BANK1: variants seen among roughly 807,000 people sequenced by gnomAD.
The protein encoded by BANK1 is B-cell scaffold protein with ankyrin repeats.
A neutral mutation model predicts 94.5 loss-of-function variants in BANK1; 95 were observed. The ratio of observed to expected loss-of-function variants is 1.00; its 90% CI spans 0.85 to 1.19. The LOEUF is 1.19. Ranked by LOEUF, BANK1 falls within the 50% of genes most tolerant of loss-of-function variation. BANK1 has a pLI of 0.00. For synonymous variants in BANK1, 334 were observed against 308.4 expected, an observed-to-expected ratio of 1.08 and a Z score of -0.87; for missense variants, 987 against 932.2, an observed-to-expected ratio of 1.06 and a Z score of -0.77.
intron 7 of BANK1, among the ~76,000 whole-genome samples, chr4:101,982,202 G>A (rs1212568782): frequency 6.6e-6 from 1 of 151,750 alleles, no homozygotes; most frequent in Non-Finnish European, 1.5e-5. Flanking sequence ...ATATTTTATG[G>A]TGTCTTTTTT....
chr4:101,961,329 C>G (rs566525908), intron 7 of BANK1, among the ~76,000 whole-genome samples: 1 of 152,302 alleles, frequency 6.6e-6, no homozygotes, highest in South Asian at 2.1e-4. Flanking sequence ...TCCAGACTCT[C>G]ATGTTACTGA....
In BANK1 at chr4:101,895,396, G is replaced by A; in HGVS notation, c.995G>A (p.Cys332Tyr). The A allele has an allele frequency of 1.9e-6, 3 of 1,573,968 alleles. No individual in the cohort carries two copies. Among genetic ancestry groups the A allele is most frequent in the Non-Finnish European group, 2.6e-6 (3 of 1,151,436 alleles). ...YEFQSLQTEICSQNKYTHFKE... is the reference protein window; with the variant it reads ...YEFQSLQTEIYSQNKYTHFKE... ...TTCCAGTCTCTTCAAACTGAAATTTGTTCTCAAAACAAATGTGAGTATTTT... is the reference window on the plus strand; with the variant it reads ...TTCCAGTCTCTTCAAACTGAAATTTATTCTCAAAACAAATGTGAGTATTTT... The change falls in exon 6 of 17, where the codon TGT becomes TAT. Residue 332 changes from cysteine to tyrosine, a missense_variant. Cys to Tyr is a radical substitution (Grantham distance 194). Transcript: ENST00000322953.
chr4:101,983,083 A>G (rs1050562269), intron 7 of BANK1, among the ~76,000 whole-genome samples: 8 of 152,108 alleles, frequency 5.3e-5, no homozygotes, highest in Non-Finnish European at 1.2e-4. Context: ...TAGTTTGGTT[A>G]GGCTTCAAGT....
chr4:101,836,057 C>T (rs1726812779), intron 2 of BANK1, among the ~76,000 whole-genome samples: 1 of 152,046 alleles, frequency 6.6e-6, no homozygotes, highest in Admixed American at 6.6e-5. Context: ...AAAATATTTT[C>T]CTCATCTAAT....
intron 7 of BANK1, among the ~76,000 whole-genome samples, chr4:101,933,357 A>C (rs1723423210): frequency 6.6e-6 from 1 of 150,936 alleles, no homozygotes; most frequent in Non-Finnish European, 1.5e-5. Context: ...CACTGGCAGT[A>C]ATTTCTTTTC....
chr4:102,022,672 C>T (rs1437532831), intron 8 of BANK1, among the ~76,000 whole-genome samples: 1 of 152,118 alleles, frequency 6.6e-6, no homozygotes, highest in Non-Finnish European at 1.5e-5. Context: ...ATAGCAACTT[C>T]CACATTTGTT....
At chr4:101,870,765 T>C in intron 5 of BANK1, 121 bp downstream of exon 5, 1 of 1,172,758 alleles carries the variant, frequency 8.5e-7, no homozygotes, top group Non-Finnish European at 1.1e-6. Flanking sequence ...TTACTACCAA[T>C]CAATAGGAAG....
chr4:101,800,111 TCA>T (rs1258256694), intron 1 of BANK1, among the ~76,000 whole-genome samples: 2 of 101,104 alleles, frequency 2.0e-5, no homozygotes, highest in African/African-American at 7.9e-5. Flanking sequence ...ATGCGGAACA[TCA>T]CACACCAGGG....
chr4:101,941,264 T>C (rs969414276), intron 7 of BANK1, among the ~76,000 whole-genome samples: 1 of 151,692 alleles, frequency 6.6e-6, no homozygotes, highest in Admixed American at 6.6e-5. Flanking sequence ...GTGTTTTGTA[T>C]ATTTAACATG....
chr4:101,922,166 G>A (rs559688708), intron 7 of BANK1, among the ~76,000 whole-genome samples: 40 of 151,740 alleles, frequency 2.6e-4, no homozygotes, highest in African/African-American at 7.5e-4. Flanking sequence ...AGGTGTTGAA[G>A]CATTTACAAT....
intron 5 of BANK1, among the ~76,000 whole-genome samples, chr4:101,881,593 A>G (rs1728679017): frequency 1.3e-5 from 2 of 152,184 alleles, no homozygotes; most frequent in African/African-American, 4.8e-5. Flanking sequence ...GGAAATCAGT[A>G]TATCAAAGAG....
In BANK1 at chr4:101,975,765, C is replaced by T. The variant is rs540311503; in HGVS notation, c.1207-45749C>T. On this transcript the variant is annotated intron_variant, in intron 7 of 16. Coordinates refer to ENST00000322953, the MANE Select transcript of BANK1 (RefSeq NM_017935.5). ...TTTGAGTGCTGTTTCTGCTCTTTAT[C>T]CTTAGTAATGAGCACAGATCAAGGA... Among the ~76,000 whole-genome samples, 3 of 152,132 alleles carry T rather than the reference C, an allele frequency of 2.0e-5. No homozygotes were observed. In the East Asian group the frequency reaches 5.8e-4, roughly 29 times the overall value.
Position 101,990,503 on chromosome 4 carries a change from C to A in BANK1, c.1207-31011C>A, listed in dbSNP as rs76134441. On this transcript the variant is annotated intron_variant, in intron 7 of 16. Coordinates refer to ENST00000322953, the MANE Select transcript of BANK1 (RefSeq NM_017935.5). ...GTATTCTTCACAGAACAAGCATTGT[C>A]ATTTGCAAACTTTCTGGAAAATGAA... Among the ~76,000 whole-genome samples, 544 of 152,280 alleles carry A rather than the reference C, an allele frequency of 3.6e-3. 3 individuals carry two copies. Among genetic ancestry groups the A allele is most frequent in the African/African-American group, 0.012 (509 of 41,574 alleles).
intron 1 of BANK1, among the ~76,000 whole-genome samples, chr4:101,792,255 T>TCCCCCCCCCCCCCCCCCCC (rs771698917): frequency 3.9e-5 from 5 of 128,662 alleles, no homozygotes; most frequent in Admixed American, 8.1e-5. Flanking sequence ...TGCATTCCGC[T>TCCCCCCCCCCCCCCCCCCC]CCCCCCCCGC....
chr4:101,987,737 C>T (rs1341855811), intron 7 of BANK1, among the ~76,000 whole-genome samples: 2 of 152,144 alleles, frequency 1.3e-5, no homozygotes, highest in Non-Finnish European at 2.9e-5. Context: ...CTTTCATTTG[C>T]ATCTGATACA....
intron 7 of BANK1, among the ~76,000 whole-genome samples, chr4:101,920,138 G>T (rs145364178): frequency 1.3e-5 from 2 of 151,802 alleles, no homozygotes; most frequent in Non-Finnish European, 2.9e-5. Context: ...ACCAAACACC[G>T]CATGTTCTCA....
At chr4:102,070,958 TA>T (rs1257616076) in intron 13 of BANK1, among the ~76,000 whole-genome samples, 1 of 152,198 alleles carries the variant, frequency 6.6e-6, no homozygotes, top group Non-Finnish European at 1.5e-5. Flanking sequence ...AGTTGATTTT[TA>T]AAAAGAATGA....
chr4:102,033,671 T>C (rs1273090586), intron 10 of BANK1, among the ~76,000 whole-genome samples: 1 of 152,248 alleles, frequency 6.6e-6, no homozygotes, highest in Non-Finnish European at 1.5e-5. Context: ...TCAATATTTA[T>C]AAGTTGTCGT....
chr4:101,942,968 G>A (rs1723804653), intron 7 of BANK1, among the ~76,000 whole-genome samples: 2 of 151,690 alleles, frequency 1.3e-5, no homozygotes, highest in South Asian at 2.1e-4. Flanking sequence ...TGTTAATAAG[G>A]GTATATTATC....
Sources: allele counts gnomAD v4.1 joint callset (sites outside exome capture counted in the v4.1 genomes callset), GRCh38; gene constraint gnomAD v4.1.1; transcripts MANE v1.5; gene names NCBI Gene and HGNC (gene_info 2026-07-23, HGNC 2026-07-21).